Variants in ERAL1 observed in about 807,000 individuals in gnomAD.
ERAL1 encodes Era like 12S mitochondrial rRNA chaperone 1, also known as GTPase Era, mitochondrial.
ERAL1 carries 36 observed loss-of-function variants against 53.6 expected under a neutral mutation model. The ratio of observed to expected loss-of-function variants is 0.67; its 90% CI spans 0.51 to 0.89. The LOEUF (loss-of-function observed/expected upper bound fraction) is 0.89. ERAL1 is among the 40% of genes least tolerant of loss of function. The pLI, the probability that ERAL1 is intolerant of heterozygous loss-of-function variation, is 0.00. For missense variants in ERAL1, 512 were observed against 537.5 expected (o/e 0.95, Z 0.47); for synonymous variants, 215 against 211.8 (o/e 1.02, Z -0.13).
chr17:28,859,227 C>A lies in ERAL1; in HGVS notation c.1135C>A (p.Pro379Thr). The A allele has an allele frequency of 1.2e-6, 2 of 1,614,096 alleles. No homozygotes were observed. Among genetic ancestry groups the A allele is most frequent in the Non-Finnish European group, 1.7e-6 (2 of 1,180,022 alleles). ...QQKTAVWEEG[P>T]GGELVIQQKL... ...GAAGACAGCAGTGTGGGAGGAAGGA[C>A]CAGGTGGGGAGCTGGTTATCCAACA... The change falls in exon 9 of 10, where the codon CCA becomes ACA. Residue 379 changes from proline (P) to threonine (T), a missense_variant. Pro to Thr is a conservative substitution (Grantham distance 38). Coordinates refer to ENST00000254928, the MANE Select transcript of ERAL1 (RefSeq NM_005702.4).
chr17:28,857,527 C>T (rs538761739), intron 3 of ERAL1, among the ~76,000 whole-genome samples: 7 of 151,916 alleles, frequency 4.6e-5, no homozygotes, highest in Admixed American at 1.3e-4. Flanking sequence ...CAGTGGCTCA[C>T]GTCTGTAATC....
chr17:28,856,933 G>C (rs1414001356), intron 3 of ERAL1, among the ~76,000 whole-genome samples: 1 of 150,994 alleles, frequency 6.6e-6, no homozygotes, highest in African/African-American at 2.4e-5. Flanking sequence ...GGATGGTCTC[G>C]ATCTCCTGAC....
chr17:28,856,637 G>T (rs1261476975), intron 3 of ERAL1, 55 bp downstream of exon 3: 2 of 1,491,140 alleles, frequency 1.3e-6, no homozygotes, highest in Non-Finnish European at 1.9e-6. Context: ...AGCTAAGAGG[G>T]TCTCCCTTAC....
intron 9 of ERAL1, 63 bp from the exon 10 acceptor site, chr17:28,860,368 A>G (rs780684341): frequency 1.3e-5 from 20 of 1,590,136 alleles, no homozygotes; most frequent in Admixed American, 3.5e-5. Context: ...TAGCCCCCCA[A>G]GTAGCTGGGA....
rs374876002 is a variant in ERAL1, at chr17:28,859,201, A to G, written c.1111-2A>G. 6 of 1,614,002 alleles carry G rather than the reference A, an allele frequency of 3.7e-6. No individual in the cohort carries two copies. Among genetic ancestry groups the G allele is most frequent in the Non-Finnish European group, 5.1e-6 (6 of 1,180,028 alleles). On this transcript the variant is annotated splice_acceptor_variant, in intron 8 of 9. Transcript: ENST00000254928. LOFTEE classifies it high-confidence loss of function. ...TGACTAATCATTTGTCTCCCTGTACAGAAGACAGCAGTGTGGGAGGAAGGA... is the reference window on the plus strand; with the variant it reads ...TGACTAATCATTTGTCTCCCTGTACGGAAGACAGCAGTGTGGGAGGAAGGA...
In ERAL1 at chr17:28,858,222, G is replaced by T. The variant is rs2039265060; in HGVS notation, c.598+15G>T. ...TGCTGATCTTGGTTAGGTTCAGGAT[G>T]GGAACCTTAAGCCCAGTTTACAGGG... On this transcript the variant is annotated intron_variant, in intron 5 of 9. Coordinates refer to ENST00000254928, the MANE Select transcript of ERAL1 (RefSeq NM_005702.4). The T allele has an allele frequency of 6.2e-7, 1 of 1,613,410 alleles. No individual in the cohort carries two copies. The highest frequency in any genetic ancestry group is 8.5e-7 in the Non-Finnish European group (1 of 1,179,870).
rs1295304517 is a variant in ERAL1 at position 28,858,593 on chromosome 17, G to A, written c.729G>A (p.Gln243=). Residue 243 remains glutamine, a synonymous_variant, in exon 7 of 10, where the codon CAG becomes CAA. Transcript: ENST00000254928. ...ATGTCCAGGTAGATTGTTTGAAGCA[G>A]AAGTCAGTTCTCCTGGAGCTCACGG... The part of the protein sequence containing the change: ...LVMNKVDCLK[Q]KSVLLELTAA... 1.9e-6 allele frequency: 3 copies of A among 1,614,068 alleles called. No individual in the cohort carries two copies. The highest frequency in any genetic ancestry group is 2.2e-5 in the East Asian group (1 of 44,892).
chr17:28,856,940 T>C (rs557383664), intron 3 of ERAL1, among the ~76,000 whole-genome samples: 1 of 151,602 alleles, frequency 6.6e-6, no homozygotes, highest in East Asian at 2.0e-4. Context: ...CTCGATCTCC[T>C]GACCGCGTGA....
rs767792864 is a variant in ERAL1 at position 28,857,955 on chromosome 17, C to A, written c.506C>A (p.Pro169His). The A allele has an allele frequency of 1.9e-6, 3 of 1,614,076 alleles. No individual in the cohort carries two copies. The highest frequency in any genetic ancestry group is 2.5e-6 in the Non-Finnish European group (3 of 1,180,020). Residue 169 changes from proline (P) to histidine (H), a missense_variant, in exon 4 of 10, where the codon CCT becomes CAT. By Grantham distance (77) the Pro-to-His change is moderately conservative. Coordinates refer to ENST00000254928, the MANE Select transcript of ERAL1 (RefSeq NM_005702.4). ...TGATTTTAGATTCTACTTGACACAC[C>A]TGGCATTATCAGTCCTGGTAAACAG... is the stretch of plus-strand genomic sequence containing the variant. ...KETQVILLDT[P>H]GIISPGKQKR...
intron 3 of ERAL1, 91 bp from the exon 4 acceptor site, chr17:28,857,848 C>A: frequency 7.3e-7 from 1 of 1,376,220 alleles, no homozygotes; most frequent in Non-Finnish European, 1.0e-6. Flanking sequence ...GAAGGGAGGG[C>A]AGGCTCCTGA....
intron 9 of ERAL1, 75 bp from the exon 10 acceptor site, chr17:28,860,356 C>T (rs1488285254): frequency 1.5e-5 from 24 of 1,564,712 alleles, no homozygotes; most frequent in Admixed American, 1.2e-4. Context: ...ATCTTCTCAC[C>T]TTAGCCCCCC....
At chr17:28,855,371 G>A in intron 1 of ERAL1, 54 bp downstream of exon 1, 1 of 1,503,628 alleles carries the variant, frequency 6.7e-7, no homozygotes, top group Non-Finnish European at 8.9e-7. Context: ...GTATTGAAAG[G>A]TTTCTGGGGA....
rs552989840 is a variant in ERAL1, at chr17:28,856,178, G to T, written c.284-86G>T. On this transcript the variant is annotated intron_variant, in intron 1 of 9. Coordinates refer to ENST00000254928, the MANE Select transcript of ERAL1 (RefSeq NM_005702.4). The stretch of plus-strand genomic sequence containing the variant: ...CCTGGTGCACTAATTTTGTACCCCT[G>T]CTCCCTTTGTGGGTGGGCAGGAACA... 31 of 1,551,816 alleles carry T rather than the reference G, an allele frequency of 2.0e-5. No homozygotes were observed. The East Asian group carries it at 4.7e-4, about 24-fold the overall frequency.
In ERAL1 at chr17:28,856,244, T is replaced by G; in HGVS notation, c.284-20T>G. ...ATCCAGATTCCACTGTGTCTCATGC[T>G]TCTTCCCACTTGCACATAGATGAGC... On this transcript the variant is annotated intron_variant, in intron 1 of 9. Coordinates refer to ENST00000254928, the MANE Select transcript of ERAL1 (RefSeq NM_005702.4). 6.2e-7 allele frequency: 1 copy of G among 1,613,740 alleles called. No homozygotes were observed. The highest frequency in any genetic ancestry group is 8.5e-7 in the Non-Finnish European group (1 of 1,179,746).
Sources: allele counts gnomAD v4.1 joint callset (sites outside exome capture counted in the v4.1 genomes callset), GRCh38; gene constraint gnomAD v4.1.1; transcripts MANE v1.5; gene names NCBI Gene and HGNC (gene_info 2026-07-23, HGNC 2026-07-21).